The following KCND2 variants were observed in gnomAD, a reference collection of about 807,000 sequenced individuals.
KCND2 encodes the protein A-type voltage-gated potassium channel KCND2.
A neutral mutation model predicts 54.4 loss-of-function variants in KCND2; 16 were observed. The ratio of observed to expected loss-of-function variants is 0.29; its 90% CI spans 0.20 to 0.45. The LOEUF (loss-of-function observed/expected upper bound fraction) is 0.45, where lower values mean the gene tolerates loss of function less well. KCND2 is among the 20% of genes least tolerant of loss of function. KCND2 has a pLI of 1.00. For missense variants in KCND2, 486 were observed against 824.2 expected (o/e 0.59, Z 5.02); for synonymous variants, 317 against 310.7 (o/e 1.02, Z -0.21).
At chr7:120,715,435 T>C (rs1792591690) in intron 1 of KCND2, among the ~76,000 whole-genome samples, 1 of 152,082 alleles carries the variant, frequency 6.6e-6, no homozygotes, top group Admixed American at 6.6e-5. Context: ...TCTTCTTATC[T>C]GCATCCATTA....
chr7:120,513,826 A>G (rs758529337), intron 1 of KCND2, among the ~76,000 whole-genome samples: 1 of 152,140 alleles, frequency 6.6e-6, no homozygotes. Flanking sequence ...CAACAAAGCC[A>G]CTTAAAATAT....
At chr7:120,383,616 A>G (rs1304341190) in intron 1 of KCND2, among the ~76,000 whole-genome samples, 2 of 152,074 alleles carry the variant, frequency 1.3e-5, no homozygotes, top group Non-Finnish European at 2.9e-5. Context: ...ATTGTTGAAT[A>G]TACCAAAATA....
chr7:120,528,467 A>T (rs1477341303), intron 1 of KCND2, among the ~76,000 whole-genome samples: 1 of 152,158 alleles, frequency 6.6e-6, no homozygotes, highest in Non-Finnish European at 1.5e-5. Context: ...CACTTTGCAT[A>T]ACATATTAAT....
At chr7:120,432,474 T>A (rs1388698898) in intron 1 of KCND2, among the ~76,000 whole-genome samples, 2 of 151,056 alleles carry the variant, frequency 1.3e-5, no homozygotes, top group Non-Finnish European at 2.9e-5. Flanking sequence ...TCATACTTTT[T>A]ATGTGTTTGC....
Position 120,275,196 on chromosome 7 carries a change from C to T in KCND2, c.564C>T (p.Tyr188=). The part of the protein sequence containing the change: ...PHTSTMALVF[Y]YVTGFFIAVS... ...CCAGCACGATGGCCCTGGTGTTCTA[C>T]TATGTCACGGGGTTTTTCATTGCCG... Residue 188 remains tyrosine (Y), a synonymous_variant, in exon 1 of 6, where the codon TAC becomes TAT. Coordinates refer to ENST00000331113, the MANE Select transcript of KCND2 (RefSeq NM_012281.3). The T allele has an allele frequency of 6.2e-7, 1 of 1,614,054 alleles. No individual in the cohort carries two copies. The highest frequency in any genetic ancestry group is 2.2e-5 in the East Asian group (1 of 44,832).
At chr7:120,662,575 T>C (rs1348067272) in intron 1 of KCND2, among the ~76,000 whole-genome samples, 1 of 152,232 alleles carries the variant, frequency 6.6e-6, no homozygotes, top group Non-Finnish European at 1.5e-5. Context: ...ATTTGTGATG[T>C]GTGAGGGGAA....
intron 1 of KCND2, among the ~76,000 whole-genome samples, chr7:120,622,715 T>TCACA (rs151116039): frequency 1.6e-4 from 20 of 127,256 alleles, no homozygotes; most frequent in African/African-American, 4.5e-4. Context: ...TCTCTCTCTC[T>TCACA]CACACACACA....
At chr7:120,547,731 C>T (rs802340) in intron 1 of KCND2, among the ~76,000 whole-genome samples, 1 of 151,840 alleles carries the variant, frequency 6.6e-6, no homozygotes, top group Non-Finnish European at 1.5e-5. Flanking sequence ...AGTGCCAGAA[C>T]GACTAACAGG....
In KCND2 at chr7:120,438,195, C is replaced by T. The variant is rs141624679; in HGVS notation, c.1115+162448C>T. 1.5e-3 allele frequency among the ~76,000 whole-genome samples: 232 copies of T among 152,258 alleles called. 1 individual carries two copies. Among genetic ancestry groups the T allele is most frequent in the African/African-American group, 5.1e-3 (210 of 41,550 alleles). On this transcript the variant is annotated intron_variant, in intron 1 of 5. Coordinates refer to ENST00000331113, the MANE Select transcript of KCND2 (RefSeq NM_012281.3). ...AGAAACAATTTTAGATATTTGGCAG[C>T]GCATGATCAAGTGCTTAATTTAGTA... is the stretch of plus-strand genomic sequence containing the variant.
chr7:120,621,097 ACC>A lies in KCND2; in HGVS notation c.1116-111803_1116-111802del, dbSNP rs1335394216. ...AGACCAGCCTGACCAACAGGGTGAA[ACC>A]CCATCTCTACTAAAAATACAAAAAT... On this transcript the variant is annotated intron_variant, in intron 1 of 5. Transcript: ENST00000331113. Among the ~76,000 whole-genome samples, 4 of 151,734 alleles carry A rather than the reference ACC, an allele frequency of 2.6e-5. No individual in the cohort carries two copies. The East Asian group carries it at 7.8e-4, about 30-fold the overall frequency.
intron 1 of KCND2, among the ~76,000 whole-genome samples, chr7:120,488,790 T>C (rs1473459562): frequency 6.6e-6 from 1 of 152,130 alleles, no homozygotes; most frequent in Non-Finnish European, 1.5e-5. Context: ...ATCTTATTTA[T>C]TTAAATGAAA....
intron 1 of KCND2, among the ~76,000 whole-genome samples, chr7:120,550,651 A>G (rs184733380): frequency 2.0e-4 from 30 of 152,284 alleles, no homozygotes; most frequent in African/African-American, 6.3e-4. Flanking sequence ...GTTTGTATTC[A>G]CACATGCTCT....
intron 1 of KCND2, among the ~76,000 whole-genome samples, chr7:120,674,990 A>G (rs1792039986): frequency 6.6e-6 from 1 of 151,114 alleles, no homozygotes; most frequent in Non-Finnish European, 1.5e-5. Context: ...CTAAAATTTC[A>G]TCTTATTCCA....
chr7:120,666,777 T>C (rs1791932484), intron 1 of KCND2, among the ~76,000 whole-genome samples: 1 of 152,010 alleles, frequency 6.6e-6, no homozygotes, highest in Non-Finnish European at 1.5e-5. Context: ...TTGATTTGCC[T>C]CTTTTTACTT....
intron 1 of KCND2, among the ~76,000 whole-genome samples, chr7:120,347,485 C>T (rs964745341): frequency 7.2e-5 from 11 of 152,090 alleles, no homozygotes; most frequent in African/African-American, 1.7e-4. Context: ...AGGCCGGGTG[C>T]GGTAGCTCAA....
At chr7:120,430,904 A>G (rs1345133375) in intron 1 of KCND2, among the ~76,000 whole-genome samples, 4 of 152,214 alleles carry the variant, frequency 2.6e-5, no homozygotes, top group African/African-American at 9.6e-5. Context: ...TTTAATTGGT[A>G]AAGGAATTTT....
intron 1 of KCND2, among the ~76,000 whole-genome samples, chr7:120,293,909 G>A (rs148727497): frequency 1.2e-3 from 181 of 152,014 alleles, no homozygotes; most frequent in Non-Finnish European, 2.0e-3. Flanking sequence ...GAGTCTAGAT[G>A]TAGAAATGCT....
chr7:120,552,611 C>T (rs544380584), intron 1 of KCND2, among the ~76,000 whole-genome samples: 15 of 152,294 alleles, frequency 9.8e-5, no homozygotes, highest in African/African-American at 2.4e-4. Context: ...CTGAGAGAAA[C>T]GTAGCAAGGC....
intron 1 of KCND2, among the ~76,000 whole-genome samples, chr7:120,467,768 A>G (rs886838342): frequency 2.0e-5 from 3 of 152,142 alleles, no homozygotes; most frequent in Non-Finnish European, 2.9e-5. Flanking sequence ...CACACGTTCT[A>G]CTAAGCACTG....
Sources: gnomAD v4.1 joint callset for allele counts (sites outside exome capture counted in the v4.1 genomes callset) on GRCh38, gnomAD v4.1.1 for gene constraint, MANE v1.5 for transcripts, NCBI Gene and HGNC (gene_info 2026-07-23, HGNC 2026-07-21) for gene names.